The following MTTP variants were observed in gnomAD, a reference collection of about 807,000 sequenced individuals.
The protein encoded by MTTP is microsomal triglyceride transfer protein large subunit.
MTTP carries 49 observed loss-of-function variants against 90.6 expected under a neutral mutation model. The observed-to-expected ratio is 0.54, with a 90% confidence interval of 0.43 to 0.69. MTTP has a LOEUF of 0.69. MTTP is among the 30% of genes least tolerant of loss of function. The pLI is 0.00. For missense variants in MTTP, 945 were observed against 1,067.5 expected, an observed-to-expected ratio of 0.89 and a Z score of 1.60; for synonymous variants, 347 against 384.2, an observed-to-expected ratio of 0.90 and a Z score of 1.13.
At chr4:99,596,812 A>G (rs1725564293) in intron 7 of MTTP, among the ~76,000 whole-genome samples, 1 of 152,122 alleles carries the variant, frequency 6.6e-6, no homozygotes, top group Non-Finnish European at 1.5e-5. Context: ...AAACCAGTTA[A>G]TTATTGCCCT....
At chr4:99,584,416 T>G (rs1307647014) in intron 3 of MTTP, among the ~76,000 whole-genome samples, 2 of 152,026 alleles carry the variant, frequency 1.3e-5, no homozygotes, top group African/African-American at 4.8e-5. Flanking sequence ...GATAAAGTAA[T>G]ACTTTATTTA....
chr4:99,610,872 G>A (rs1253337702), intron 12 of MTTP, among the ~76,000 whole-genome samples: 1 of 152,178 alleles, frequency 6.6e-6, no homozygotes. Flanking sequence ...CCTGAAATGT[G>A]TCTACTAGTC....
intron 3 of MTTP, among the ~76,000 whole-genome samples, chr4:99,587,711 T>C (rs1725291372): frequency 6.6e-6 from 1 of 152,152 alleles, no homozygotes; most frequent in African/African-American, 2.4e-5. Context: ...ACATGGGCCA[T>C]ATAGACATGT....
chr4:99,574,660 T>C (rs1800804), upstream of MTTP: 198,525 of 756,350 alleles, frequency 0.26, 27,211 homozygotes, highest in South Asian at 0.34. Context: ...AGTTTCCTCA[T>C]TGGGTGAAAA....
At chr4:99,564,245 T>C (rs1184423786) in intron 1 of MTTP, 23 of 1,535,292 alleles carry the variant, frequency 1.5e-5, no homozygotes, top group East Asian at 2.4e-5. Flanking sequence ...CTTGTGAGTA[T>C]TGGATGAAGG....
chr4:99,597,238 C>A lies in MTTP; in HGVS notation c.1067+14C>A, dbSNP rs1265479956. ...TAAGGAAGTATTGTAAGTTCCCCAA[C>A]CTTTGTGTGGGGTTGTCTGTCAGAA... On this transcript the variant is annotated intron_variant, in intron 8 of 17. Coordinates refer to ENST00000265517, the MANE Select transcript of MTTP (RefSeq NM_001386140.1). The A allele has an allele frequency of 1.2e-6, 2 of 1,611,598 alleles. No homozygotes were observed. The highest frequency in any genetic ancestry group is 2.7e-5 in the African/African-American group (2 of 75,000).
intron 12 of MTTP, among the ~76,000 whole-genome samples, chr4:99,610,678 T>C (rs1023946714): frequency 6.6e-6 from 1 of 152,180 alleles, no homozygotes; most frequent in Non-Finnish European, 1.5e-5. Context: ...AATTGGAAAC[T>C]TCACAGATAT....
At chr4:99,607,054 G>T in intron 11 of MTTP, 94 bp downstream of exon 11, 1 of 1,105,098 alleles carries the variant, frequency 9.0e-7, no homozygotes, top group Non-Finnish European at 1.3e-6. Flanking sequence ...AAGTCACTCT[G>T]TATTTTCCCC....
intron 1 of MTTP, among the ~76,000 whole-genome samples, chr4:99,569,015 T>C (rs1724772680): frequency 6.6e-6 from 1 of 152,076 alleles, no homozygotes; most frequent in Non-Finnish European, 1.5e-5. Flanking sequence ...ACATAGCATT[T>C]CCTTCCAAAG....
chr4:99,600,419 T>A, intron 8 of MTTP, 146 bp from the exon 9 acceptor site: 1 of 828,840 alleles, frequency 1.2e-6, no homozygotes, highest in Non-Finnish European at 1.9e-6. Flanking sequence ...TTTGAGAAAG[T>A]CTTAATCATT....
At chr4:99,585,796 T>C (rs1378061646) in intron 3 of MTTP, among the ~76,000 whole-genome samples, 1 of 152,110 alleles carries the variant, frequency 6.6e-6, no homozygotes. Flanking sequence ...TTTGCGATGA[T>C]TTACTGTAAC....
intron 1 of MTTP, among the ~76,000 whole-genome samples, chr4:99,578,813 TG>T (rs1447152051): frequency 6.6e-6 from 1 of 152,330 alleles, no homozygotes; most frequent in East Asian, 1.9e-4. Context: ...GGGTTGAACT[TG>T]GGGTCAGCTT....
chr4:99,609,484 C>G lies in MTTP; in HGVS notation c.1769+507C>G, dbSNP rs138845623. ...AGAGTTCATCACTCTATAACTCTTG[C>G]TGAATTAATTTCCTTCCAGTTACCA... On this transcript the variant is annotated intron_variant, in intron 12 of 17. Coordinates refer to ENST00000265517, the MANE Select transcript of MTTP (RefSeq NM_001386140.1). Among the ~76,000 whole-genome samples, 41 of 152,218 alleles carry G rather than the reference C, an allele frequency of 2.7e-4. 1 individual carries two copies. In the East Asian group the frequency reaches 7.9e-3, roughly 29 times the overall value.
At chr4:99,575,155 A>G (rs1401978208) in intron 1 of MTTP, among the ~76,000 whole-genome samples, 185 bp downstream of exon 1, 3 of 152,154 alleles carry the variant, frequency 2.0e-5, no homozygotes, top group Non-Finnish European at 4.4e-5. Flanking sequence ...ACCAAATTCA[A>G]ATCCCTACAA....
chr4:99,608,898 A>G lies in MTTP; in HGVS notation c.1690A>G (p.Ile564Val), dbSNP rs780968803. ...YMDVKNILLS[I>V]GELPQEMNKY... ...GGACGTCAAGAACATCCTGCTGTCT[A>G]TTGGGGAGCTTCCCCAAGAAATGAA... Residue 564 changes from isoleucine to valine, a missense_variant, in exon 12 of 18, where the codon ATT becomes GTT. By Grantham distance (29) the Ile-to-Val change is conservative (BLOSUM62 3). Coordinates refer to ENST00000265517, the MANE Select transcript of MTTP (RefSeq NM_001386140.1). The G allele has an allele frequency of 6.2e-6, 10 of 1,614,188 alleles. No individual in the cohort carries two copies. Among genetic ancestry groups the G allele is most frequent in the South Asian group, 1.1e-5 (1 of 91,080 alleles).
Position 99,606,909 on chromosome 4 carries a change from C to A in MTTP, c.1506C>A (p.His502Gln). 1 of 1,613,922 alleles carries A rather than the reference C, an allele frequency of 6.2e-7. No individual in the cohort carries two copies. The highest frequency in any genetic ancestry group is 8.5e-7 in the Non-Finnish European group (1 of 1,179,950). ...YAEAGEGPIS[H>Q]LATTALQRYD... ...AAGCAGGAGAAGGGCCCATCAGCCA[C>A]CTGGCTACCACTGCTCTCCAGAGAT... The change falls in exon 11 of 18, where the codon CAC becomes CAA. Residue 502 changes from histidine to glutamine, a missense_variant. Physicochemically the swap from His to Gln is conservative, Grantham distance 24. Coordinates refer to ENST00000265517, the MANE Select transcript of MTTP (RefSeq NM_001386140.1).
intron 7 of MTTP, among the ~76,000 whole-genome samples, chr4:99,595,256 T>C (rs1263748025): frequency 6.6e-6 from 1 of 152,176 alleles, no homozygotes; most frequent in Non-Finnish European, 1.5e-5. Flanking sequence ...ACAGGTGACA[T>C]ACTTTACTGG....
intron 1 of MTTP, among the ~76,000 whole-genome samples, chr4:99,580,315 C>G (rs994977764): frequency 3.3e-5 from 5 of 151,410 alleles, no homozygotes; most frequent in Non-Finnish European, 7.4e-5. Context: ...CGTGGTAGCT[C>G]ACATCTATAA....
chr4:99,610,174 G>C (rs1209411239), intron 12 of MTTP, among the ~76,000 whole-genome samples: 1 of 152,158 alleles, frequency 6.6e-6, no homozygotes, highest in Non-Finnish European at 1.5e-5. Context: ...CCGATGACAG[G>C]AAGCTCACCA....
Sources: gnomAD v4.1 joint callset for allele counts (sites outside exome capture counted in the v4.1 genomes callset) on GRCh38, gnomAD v4.1.1 for gene constraint, MANE v1.5 for transcripts, NCBI Gene and HGNC (gene_info 2026-07-23, HGNC 2026-07-21) for gene names.